The following PPP1R1C variants were observed in gnomAD, a reference collection of about 807,000 sequenced individuals.
The protein encoded by PPP1R1C is protein phosphatase 1 regulatory inhibitor subunit 1C.
In PPP1R1C, 15 loss-of-function variants were observed where a neutral mutation model predicts 17.4. The observed-to-expected ratio is 0.86, with a 90% confidence interval of 0.58 to 1.33. The LOEUF is 1.33. PPP1R1C is among the 40% of genes most tolerant of loss of function. The probability of loss-of-function intolerance (pLI) is 0.00; values close to 1 mark genes in which losing one functional copy is unlikely to be tolerated. For synonymous variants in PPP1R1C, 35 were observed against 43.1 expected, an observed-to-expected ratio of 0.81 and a Z score of 0.73; for missense variants, 143 against 130.0, an observed-to-expected ratio of 1.10 and a Z score of -0.48.
At position 181,993,834 on chromosome 2, in the gene PPP1R1C, T is replaced by C. The variant is rs372236289; in HGVS notation, c.142+5935T>C. On this transcript the variant is annotated intron_variant, in intron 2 of 4. Transcript: ENST00000682840. ...TGAGCCAAAGATGAGGTTCCAGTTC[T>C]TGATAGTGACAAGGCTTGCTACATT... Among the ~76,000 whole-genome samples, 49 of 152,246 alleles carry C rather than the reference T, an allele frequency of 3.2e-4. No individual in the cohort carries two copies. In the South Asian group the frequency reaches 6.8e-3, roughly 21 times the overall value.
At position 181,961,255 on chromosome 2, in the gene PPP1R1C, G is replaced by T; in HGVS notation, n.111+6621G>T. The T allele has an allele frequency of 5.0e-6, 4 of 793,622 alleles. No homozygotes were observed. The South Asian group carries it at 5.5e-5, about 11-fold the overall frequency. The allele number at this position is 793,622 out of a possible 1,614,324, so 49.2% of individuals were successfully genotyped here. A position where few individuals can be genotyped will look rare whatever the true frequency, so the allele number is the denominator to read the frequency against. ...TGGTCTCAGACACCACTTTGCGGCG[G>T]GTGGTGGTCTTTGGATGGTTTGCAT... On this transcript the variant is annotated intron_variant and non_coding_transcript_variant, in intron 1 of 5. Coordinates refer to the PPP1R1C transcript ENST00000464264. The surrounding 1 kb of genome is among the most constrained non-coding windows in gnomAD (Gnocchi z 5.8).
intron 2 of PPP1R1C, among the ~76,000 whole-genome samples, chr2:182,021,584 C>A (rs1210440916): frequency 2.0e-5 from 3 of 152,002 alleles, no homozygotes; most frequent in Non-Finnish European, 4.4e-5. Context: ...CCTCGGCCTC[C>A]CAAAGTGCTG....
At chr2:182,037,585 C>CAAAA (rs71008206) in intron 2 of PPP1R1C, among the ~76,000 whole-genome samples, 27 of 124,596 alleles carry the variant, frequency 2.2e-4, no homozygotes, top group African/African-American at 8.0e-4. Context: ...GAATCCATCT[C>CAAAA]AAAAAAAAAA....
At chr2:182,123,426 A>C (rs1443608174) in intron 5 of PPP1R1C, among the ~76,000 whole-genome samples, 1 of 152,206 alleles carries the variant, frequency 6.6e-6, no homozygotes, top group Non-Finnish European at 1.5e-5. Context: ...AGAAATCTCC[A>C]CACTGTCTTC....
At chr2:182,105,098 A>G (rs1689205593) in intron 4 of PPP1R1C, among the ~76,000 whole-genome samples, 1 of 152,186 alleles carries the variant, frequency 6.6e-6, no homozygotes, top group African/African-American at 2.4e-5. Context: ...ATGAAGGTTG[A>G]ATCTTAGGAG....
intron 2 of PPP1R1C, among the ~76,000 whole-genome samples, chr2:182,031,417 T>C (rs867588688): frequency 5.3e-5 from 8 of 152,332 alleles, no homozygotes; most frequent in Middle Eastern, 3.4e-3. Context: ...GTTAAGTTGC[T>C]AAACATTCGG....
At chr2:182,127,656 A>G (rs1305363311) in intron 5 of PPP1R1C, among the ~76,000 whole-genome samples, 1 of 152,090 alleles carries the variant, frequency 6.6e-6, no homozygotes, top group Non-Finnish European at 1.5e-5. Flanking sequence ...GAAATCTTGA[A>G]CTAATGTCTC....
intron 2 of PPP1R1C, among the ~76,000 whole-genome samples, chr2:181,999,591 T>C (rs892414680): frequency 2.6e-5 from 4 of 152,188 alleles, no homozygotes; most frequent in Non-Finnish European, 5.9e-5. Context: ...AAGCTCCTCT[T>C]TGTAGCTTGG....
intron 2 of PPP1R1C, among the ~76,000 whole-genome samples, chr2:182,008,211 T>G (rs1379815577): frequency 1.3e-5 from 2 of 152,114 alleles, no homozygotes; most frequent in African/African-American, 4.8e-5. Flanking sequence ...CCCCTCAAGG[T>G]CATTGCCAAT....
At chr2:182,123,895 T>C (rs1211829416) in intron 5 of PPP1R1C, among the ~76,000 whole-genome samples, 1 of 152,248 alleles carries the variant, frequency 6.6e-6, no homozygotes, top group African/African-American at 2.4e-5. Flanking sequence ...TTGTTGCCAT[T>C]GCTTTTGGTG....
chr2:182,072,126 T>A (rs1688158411), intron 4 of PPP1R1C, among the ~76,000 whole-genome samples: 1 of 152,210 alleles, frequency 6.6e-6, no homozygotes, highest in Non-Finnish European at 1.5e-5. Flanking sequence ...GCGCTATCAG[T>A]ATGCTAAGGT....
chr2:182,001,257 A>G (rs747168593), intron 2 of PPP1R1C, among the ~76,000 whole-genome samples: 36 of 152,198 alleles, frequency 2.4e-4, no homozygotes, highest in Non-Finnish European at 7.4e-5. Flanking sequence ...TAGGCATCAC[A>G]GGTAATTAGT....
intron 2 of PPP1R1C, among the ~76,000 whole-genome samples, chr2:182,049,279 A>G (rs555057439): frequency 6.6e-6 from 1 of 150,834 alleles, no homozygotes; most frequent in Admixed American, 6.7e-5. Context: ...GCCATGAGCC[A>G]AGATCATGCC....
chr2:181,969,968 C>A (rs911652492), intron 1 of PPP1R1C, among the ~76,000 whole-genome samples: 5 of 152,160 alleles, frequency 3.3e-5, no homozygotes, highest in Admixed American at 6.5e-5. Context: ...TTATTCCAAT[C>A]TCTTTGTTAA....
chr2:182,096,258 T>G (rs938544739), intron 4 of PPP1R1C, among the ~76,000 whole-genome samples: 2 of 152,176 alleles, frequency 1.3e-5, no homozygotes, highest in African/African-American at 4.8e-5. Context: ...CTTTTTGGCT[T>G]CTGGGTACAG....
chr2:182,091,528 G>A (rs931384305), intron 4 of PPP1R1C, among the ~76,000 whole-genome samples: 1 of 152,206 alleles, frequency 6.6e-6, no homozygotes, highest in Non-Finnish European at 1.5e-5. Flanking sequence ...GGAATGTGCA[G>A]GGTTAAAGGA....
intron 2 of PPP1R1C, among the ~76,000 whole-genome samples, chr2:182,055,077 G>A (rs918238725): frequency 1.3e-5 from 2 of 148,340 alleles, no homozygotes; most frequent in African/African-American, 4.9e-5. Context: ...TTAGTTTCTG[G>A]TTTTTTTTTT....
intron 2 of PPP1R1C, among the ~76,000 whole-genome samples, chr2:182,011,684 T>C (rs1686091185): frequency 6.6e-6 from 1 of 152,118 alleles, no homozygotes; most frequent in Admixed American, 6.5e-5. Context: ...CTTGCTTTTC[T>C]AGTTCCTTAA....
chr2:182,017,145 CTTT>C (rs990047407), intron 2 of PPP1R1C, among the ~76,000 whole-genome samples: 8 of 152,014 alleles, frequency 5.3e-5, no homozygotes, highest in Non-Finnish European at 1.0e-4. Context: ...TCAACTATAT[CTTT>C]AGTGCATTTA....
Sources: gnomAD v4.1 joint callset for allele counts (sites outside exome capture counted in the v4.1 genomes callset) on GRCh38, gnomAD v4.1.1 for gene constraint, Gnocchi (gnomAD v3.1) non-coding constraint, MANE v1.5 for transcripts, NCBI Gene and HGNC (gene_info 2026-07-23, HGNC 2026-07-21) for gene names.